The following DCLK2 variants were observed in gnomAD, a reference collection of about 807,000 sequenced individuals.
DCLK2 encodes doublecortin like kinase 2.
DCLK2 carries 31 observed loss-of-function variants against 78.4 expected under a neutral mutation model. The ratio of observed to expected loss-of-function variants is 0.40; its 90% CI spans 0.30 to 0.53. The LOEUF (loss-of-function observed/expected upper bound fraction) is 0.53, where lower values mean the gene tolerates loss of function less well. DCLK2 is among the 20% of genes least tolerant of loss of function. The probability of loss-of-function intolerance (pLI) is 0.61; values close to 1 mark genes in which losing one functional copy is unlikely to be tolerated. For missense variants in DCLK2, 872 were observed against 973.7 expected, an observed-to-expected ratio of 0.90 and a Z score of 1.39; for synonymous variants, 407 against 374.9, an observed-to-expected ratio of 1.09 and a Z score of -0.99.
chr4:150,190,646 G>A (rs549306666), intron 2 of DCLK2, among the ~76,000 whole-genome samples: 1 of 152,228 alleles, frequency 6.6e-6, no homozygotes, highest in South Asian at 2.1e-4. Flanking sequence ...TGTGGAAAGG[G>A]GTTTATGGGG....
intron 2 of DCLK2, among the ~76,000 whole-genome samples, chr4:150,155,543 G>A (rs1335664863): frequency 6.6e-6 from 1 of 152,204 alleles, no homozygotes; most frequent in Non-Finnish European, 1.5e-5. Flanking sequence ...GTCTGAAAAT[G>A]TGTCTGGCAG....
At chr4:150,098,106 G>A (rs1391186843) in intron 1 of DCLK2, among the ~76,000 whole-genome samples, 2 of 152,126 alleles carry the variant, frequency 1.3e-5, no homozygotes, top group Non-Finnish European at 2.9e-5. Context: ...AAGGATCTAA[G>A]GAAACGGGGG....
chr4:150,143,680 AT>A (rs1433493888), intron 2 of DCLK2, among the ~76,000 whole-genome samples: 1 of 152,154 alleles, frequency 6.6e-6, no homozygotes, highest in East Asian at 1.9e-4. Flanking sequence ...CCAACAGTGT[AT>A]AAGCCTTCCC....
intron 2 of DCLK2, among the ~76,000 whole-genome samples, chr4:150,186,532 C>T (rs1323516978): frequency 1.3e-5 from 2 of 152,158 alleles, no homozygotes; most frequent in Non-Finnish European, 2.9e-5. Context: ...CCATTTTCAT[C>T]ACTAGACTGT....
At chr4:150,209,822 TCC>T (rs745335619) in intron 5 of DCLK2, 4 of 152,564 alleles carry the variant, frequency 2.6e-5, no homozygotes, top group African/African-American at 7.2e-5. Flanking sequence ...ATGCCTGTGA[TCC>T]CAGCACTTTG....
intron 3 of DCLK2, among the ~76,000 whole-genome samples, chr4:150,197,285 G>A (rs116168438): frequency 0.011 from 1,617 of 152,306 alleles, 30 homozygotes; most frequent in African/African-American, 0.037. Context: ...AAATAAGGCA[G>A]TCAAGAAGTT....
rs148329598 is a variant in DCLK2 at position 150,117,796 on chromosome 4, G to T, written c.756+14984G>T. 4.6e-5 allele frequency among the ~76,000 whole-genome samples: 7 copies of T among 152,260 alleles called. No individual in the cohort carries two copies. In the East Asian group the frequency reaches 1.2e-3, roughly 25 times the overall value. On this transcript the variant is annotated intron_variant, in intron 2 of 15. Transcript: ENST00000296550. Reference sequence around the variant, plus strand: ...TGCAGCCCACTGCTTTTTTCAGAGGGTCTGTGGTTTCTTTCAGTTTTCATG... The same window carrying T: ...TGCAGCCCACTGCTTTTTTCAGAGGTTCTGTGGTTTCTTTCAGTTTTCATG...
At chr4:150,249,458 A>G in intron 14 of DCLK2, 110 bp from the exon 15 acceptor site, 1 of 809,442 alleles carries the variant, frequency 1.2e-6, no homozygotes, top group Non-Finnish European at 2.1e-6. Flanking sequence ...GGGCCCATTT[A>G]GGAAGAGGTC....
At chr4:150,121,610 TA>T (rs1732545021) in intron 2 of DCLK2, among the ~76,000 whole-genome samples, 1 of 152,262 alleles carries the variant, frequency 6.6e-6, no homozygotes, top group African/African-American at 2.4e-5. Context: ...AGACTCCTGT[TA>T]ATGTTGATAT....
At chr4:150,164,939 A>C (rs902292607) in intron 2 of DCLK2, among the ~76,000 whole-genome samples, 1 of 152,340 alleles carries the variant, frequency 6.6e-6, no homozygotes, top group Non-Finnish European at 1.5e-5. Context: ...GTCACACTGT[A>C]AGACCCTTAC....
chr4:150,244,082 C>T (rs1743124389), intron 12 of DCLK2, among the ~76,000 whole-genome samples: 1 of 151,942 alleles, frequency 6.6e-6, no homozygotes, highest in Non-Finnish European at 1.5e-5. Context: ...CACATGTGTG[C>T]ACCACTATAT....
intron 2 of DCLK2, among the ~76,000 whole-genome samples, chr4:150,157,394 C>T (rs977562166): frequency 2.0e-5 from 3 of 152,208 alleles, no homozygotes; most frequent in African/African-American, 2.4e-5. Flanking sequence ...AATCCTCACA[C>T]CTCAGCTCCC....
At chr4:150,111,465 GA>G (rs1731688394) in intron 2 of DCLK2, among the ~76,000 whole-genome samples, 1 of 152,140 alleles carries the variant, frequency 6.6e-6, no homozygotes, top group South Asian at 2.1e-4. Flanking sequence ...TTGCTGTGCA[GA>G]AGCTTCTTAG....
At chr4:150,232,884 G>C (rs1742191591) in intron 10 of DCLK2, 56 bp downstream of exon 10, 15 of 1,576,688 alleles carry the variant, frequency 9.5e-6, no homozygotes, top group Non-Finnish European at 1.3e-5. Context: ...TTTAAAAGGA[G>C]CACATGCAAA....
chr4:150,113,665 T>G (rs567496487), intron 2 of DCLK2, among the ~76,000 whole-genome samples: 1 of 151,938 alleles, frequency 6.6e-6, no homozygotes, highest in Non-Finnish European at 1.5e-5. Context: ...TAGCTAATGG[T>G]TAATTTTTGT....
At position 150,253,180 on chromosome 4, in the gene DCLK2, T is replaced by G. The variant is rs74635053; in HGVS notation, c.2074-2840T>G. The G allele has an allele frequency of 2.1e-3, 998 of 485,908 alleles. 10 individuals are homozygous for G. The highest frequency in any genetic ancestry group is 0.018 in the African/African-American group (902 of 51,236). The allele number at this position is 485,908 out of a possible 1,614,324, so 30.1% of individuals were successfully genotyped here. ...CGGAACAGTTTTAAGTGTTTTTACA[T>G]TAAAAATAACCTCAAAATGACTCTC... On this transcript the variant is annotated intron_variant, in intron 15 of 15. Coordinates refer to ENST00000296550, the MANE Select transcript of DCLK2 (RefSeq NM_001040260.4).
intron 12 of DCLK2, among the ~76,000 whole-genome samples, chr4:150,246,375 T>C (rs896468278): frequency 4.6e-5 from 7 of 152,158 alleles, no homozygotes; most frequent in Non-Finnish European, 1.0e-4. Context: ...AGGAGAGGAA[T>C]GAGGGAGCCA....
chr4:150,247,807 T>C (rs1743447544), intron 13 of DCLK2, 108 bp downstream of exon 13: 1 of 829,228 alleles, frequency 1.2e-6, no homozygotes, highest in Non-Finnish European at 1.9e-6. Flanking sequence ...CTCCTTGGCT[T>C]TTAATGTGTG....
At chr4:150,235,844 C>T (rs140816381) in intron 10 of DCLK2, among the ~76,000 whole-genome samples, 47 of 152,284 alleles carry the variant, frequency 3.1e-4, no homozygotes, top group African/African-American at 9.1e-4. Flanking sequence ...ATTTGCATCC[C>T]GCTCTCCGGT....
Sources: allele counts gnomAD v4.1 joint callset (sites outside exome capture counted in the v4.1 genomes callset), GRCh38; gene constraint gnomAD v4.1.1; transcripts MANE v1.5; gene names NCBI Gene and HGNC (gene_info 2026-07-23, HGNC 2026-07-21).